SPATS2L: variants seen among roughly 807,000 people sequenced by gnomAD.
SPATS2L encodes the protein spermatogenesis associated serine rich 2 like, also known as SPATS2-like protein.
A neutral mutation model predicts 59.6 loss-of-function variants in SPATS2L; 30 were observed. That is an observed-to-expected ratio of 0.50 (90% confidence interval 0.38 to 0.68). The LOEUF (loss-of-function observed/expected upper bound fraction) is 0.68. Among genes scored for constraint, SPATS2L ranks in the 30% least tolerant of loss-of-function variants. SPATS2L has a pLI of 0.00. For missense variants in SPATS2L, 615 were observed against 700.0 expected, an observed-to-expected ratio of 0.88 and a Z score of 1.37; for synonymous variants, 252 against 263.5, an observed-to-expected ratio of 0.96 and a Z score of 0.42.
intron 2 of SPATS2L, among the ~76,000 whole-genome samples, chr2:200,376,494 T>C (rs916330442): frequency 3.3e-5 from 5 of 152,250 alleles, no homozygotes; most frequent in Admixed American, 2.0e-4. Context: ...TAGTAATTTT[T>C]AGATTGTTCC....
At chr2:200,404,418 G>A (rs375263529) in intron 3 of SPATS2L, among the ~76,000 whole-genome samples, 11 of 152,204 alleles carry the variant, frequency 7.2e-5, no homozygotes, top group African/African-American at 2.4e-4. Flanking sequence ...TTGTCAGCTC[G>A]TTGGATGCAA....
intron 8 of SPATS2L, among the ~76,000 whole-genome samples, chr2:200,457,604 G>A (rs2085940146): frequency 6.6e-6 from 1 of 152,228 alleles, no homozygotes; most frequent in Non-Finnish European, 1.5e-5. Context: ...ATCATATCCA[G>A]TGACCGTAAG....
At chr2:200,429,148 T>C (rs1424151320) in intron 6 of SPATS2L, among the ~76,000 whole-genome samples, 1 of 152,188 alleles carries the variant, frequency 6.6e-6, no homozygotes, top group Non-Finnish European at 1.5e-5. Flanking sequence ...TTAGCTATGC[T>C]GGTCTCTGTT....
At chr2:200,351,364 C>T (rs1278437714) in intron 2 of SPATS2L, 1 of 464,050 alleles carries the variant, frequency 2.2e-6, no homozygotes, top group African/African-American at 2.0e-5. Flanking sequence ...GATTTTGTGA[C>T]TATAGTAATA....
chr2:200,373,291 A>T (rs2081492641), intron 2 of SPATS2L: 1 of 142,558 alleles, frequency 7.0e-6, no homozygotes, highest in African/African-American at 2.7e-5. Flanking sequence ...AAAAAAAAAA[A>T]AGAACAAAAC....
intron 1 of SPATS2L, among the ~76,000 whole-genome samples, chr2:200,308,660 A>C (rs965429194): frequency 1.3e-5 from 2 of 152,174 alleles, no homozygotes; most frequent in African/African-American, 4.8e-5. Flanking sequence ...CAAACTAGAG[A>C]CTAGCCCCAA....
At chr2:200,422,698 C>T (rs1357709003) in intron 6 of SPATS2L, among the ~76,000 whole-genome samples, 1 of 152,118 alleles carries the variant, frequency 6.6e-6, no homozygotes, top group African/African-American at 2.4e-5. Context: ...CTATAGTAAT[C>T]TGCCCTTTTC....
chr2:200,471,109 T>G (rs1415895639), intron 11 of SPATS2L, among the ~76,000 whole-genome samples: 2 of 151,990 alleles, frequency 1.3e-5, no homozygotes. Context: ...GAGATTGCAG[T>G]CAGTGGAGAT....
intron 2 of SPATS2L, among the ~76,000 whole-genome samples, chr2:200,361,067 A>C (rs1168117152): frequency 7.2e-5 from 9 of 125,494 alleles, no homozygotes; most frequent in South Asian, 2.9e-4. Context: ...CCACCCCACT[A>C]TTCCCCACCC....
chr2:200,318,926 C>T (rs905576325), intron 1 of SPATS2L, among the ~76,000 whole-genome samples: 2 of 152,146 alleles, frequency 1.3e-5, no homozygotes, highest in African/African-American at 4.8e-5. Context: ...TGCAGTGCTC[C>T]GGACCCTAAG....
At chr2:200,387,036 A>G (rs772636873) in intron 2 of SPATS2L, among the ~76,000 whole-genome samples, 1 of 152,262 alleles carries the variant, frequency 6.6e-6, no homozygotes, top group Non-Finnish European at 1.5e-5. Context: ...GCTTGTAAAC[A>G]AAAACACCTA....
intron 8 of SPATS2L, among the ~76,000 whole-genome samples, chr2:200,446,780 G>C (rs1270800114): frequency 2.0e-5 from 3 of 152,274 alleles, no homozygotes; most frequent in Admixed American, 1.3e-4. Flanking sequence ...AGATATGAAA[G>C]AGGGACTTTC....
chr2:200,359,275 A>G (rs1329966301), intron 2 of SPATS2L, among the ~76,000 whole-genome samples: 1 of 151,938 alleles, frequency 6.6e-6, no homozygotes. Flanking sequence ...CATTATTACC[A>G]CCTTTATCAC....
At chr2:200,320,893 A>G (rs1356955227) in intron 1 of SPATS2L, among the ~76,000 whole-genome samples, 2 of 152,234 alleles carry the variant, frequency 1.3e-5, no homozygotes, top group African/African-American at 4.8e-5. Flanking sequence ...TAGTATTCTT[A>G]AGAAACACAA....
chr2:200,410,604 C>T (rs1365755220), intron 3 of SPATS2L, among the ~76,000 whole-genome samples: 2 of 152,054 alleles, frequency 1.3e-5, no homozygotes, highest in African/African-American at 2.4e-5. Context: ...TGCCTTGCCC[C>T]TCACTCATGC....
In SPATS2L at chr2:200,402,379, C is replaced by G. The variant is rs538326033; in HGVS notation, c.40-9932C>G. On this transcript the variant is annotated intron_variant, in intron 3 of 12. Transcript: ENST00000409140. Reference sequence around the variant, plus strand: ...GTCCCCCTCCTTTTCATACTTAATGCTCCAGCAATCTTTGACCTTCATTCC... The same window carrying G: ...GTCCCCCTCCTTTTCATACTTAATGGTCCAGCAATCTTTGACCTTCATTCC... Among the ~76,000 whole-genome samples the G allele has an allele frequency of 2.0e-5, 3 of 152,318 alleles. No individual in the cohort carries two copies. In the South Asian group the frequency reaches 6.2e-4, roughly 32 times the overall value.
chr2:200,329,886 A>G (rs2105792151), intron 2 of SPATS2L, among the ~76,000 whole-genome samples: 1 of 151,878 alleles, frequency 6.6e-6, no homozygotes, highest in South Asian at 2.1e-4. Flanking sequence ...TTCCCTCCTC[A>G]CAGTGATAGC....
At chr2:200,317,573 CA>C in intron 1 of SPATS2L, among the ~76,000 whole-genome samples, 1 of 152,150 alleles carries the variant, frequency 6.6e-6, no homozygotes, top group Non-Finnish European at 1.5e-5. Context: ...TTTACCCAGC[CA>C]AGGGTGACAA....
intron 2 of SPATS2L, among the ~76,000 whole-genome samples, chr2:200,374,000 T>A (rs1031718813): frequency 1.3e-5 from 2 of 152,180 alleles, no homozygotes; most frequent in Admixed American, 1.3e-4. Context: ...ACAAGGATAT[T>A]ACCTCTAGCT....
Sources: gnomAD v4.1 joint callset for allele counts (sites outside exome capture counted in the v4.1 genomes callset) on GRCh38, gnomAD v4.1.1 for gene constraint, MANE v1.5 for transcripts, NCBI Gene and HGNC (gene_info 2026-07-23, HGNC 2026-07-21) for gene names.